Variants in PHRF1 observed in about 807,000 individuals in gnomAD.
PHRF1 encodes the protein PHD and ring finger domains 1.
In PHRF1, 53 loss-of-function variants were observed where a neutral mutation model predicts 128.9. The observed-to-expected ratio is 0.41, with a 90% CI of 0.33 to 0.52. The LOEUF is 0.52. PHRF1 is among the 20% of genes least tolerant of loss of function. The pLI is 0.21. For missense variants in PHRF1, 2,503 were observed against 2,284.5 expected, an observed-to-expected ratio of 1.10 and a Z score of -1.95; for synonymous variants, 1,178 against 980.6, an observed-to-expected ratio of 1.20 and a Z score of -3.76.
At chr11:598,588 G>A in intron 9 of PHRF1, 86 bp downstream of exon 9, 1 of 1,473,478 alleles carries the variant, frequency 6.8e-7, no homozygotes, top group South Asian at 1.3e-5. Flanking sequence ...CAAGGCTGTG[G>A]GCATTTCCAT....
At position 609,640 on chromosome 11, in the gene PHRF1, G is replaced by A. The variant is rs751834101; in HGVS notation, c.4184G>A (p.Arg1395Gln). 7 of 1,575,746 alleles carry A rather than the reference G, an allele frequency of 4.4e-6. No homozygotes were observed. The highest frequency in any genetic ancestry group is 6.0e-6 in the Non-Finnish European group (7 of 1,162,928). ...EEVVSQTPLL[R>Q]SRALVKRVTW... ...GTGGTTTCGCAGACCCCCCTGCTGC[G>A]GTCCAGAGCCCTGGTGAAGCGGGTC... Residue 1395 changes from arginine to glutamine, a missense_variant, in exon 14 of 18, where the codon CGG becomes CAG. Transcript: ENST00000264555.
At chr11:604,946 G>A (rs1434837576) in intron 10 of PHRF1, among the ~76,000 whole-genome samples, 173 bp from the exon 11 acceptor site, 2 of 152,230 alleles carry the variant, frequency 1.3e-5, no homozygotes, top group African/African-American at 4.8e-5. Flanking sequence ...GATGTGTGCG[G>A]CATTGTTCCT....
rs1855424855 is a variant in PHRF1, at chr11:598,379, C to G, written c.901C>G (p.Pro301Ala). The part of the protein sequence containing the change: ...ISTARRVQHT[P>A]GRLGSSLLDE... ...ACCACCCCTTTGCCTGTAGCACACA[C>G]CAGGGCGCCTCGGGTCTTCCCTGCT... The change falls in exon 9 of 18, where the codon CCA (proline) becomes GCA (alanine). Residue 301 changes from proline (P) to alanine (A), a missense_variant. Transcript: ENST00000264555. The G allele has an allele frequency of 6.2e-7, 1 of 1,608,852 alleles. No individual in the cohort carries two copies. Among genetic ancestry groups the G allele is most frequent in the Non-Finnish European group, 8.5e-7 (1 of 1,179,702 alleles).
chr11:605,541 C>T, intron 11 of PHRF1, 64 bp from the exon 12 acceptor site: 2 of 1,591,450 alleles, frequency 1.3e-6, no homozygotes, highest in South Asian at 2.3e-5. Context: ...TGCCGTCTCC[C>T]TGGGCTGGGG....
chr11:593,281 T>C (rs1282896708), intron 6 of PHRF1, among the ~76,000 whole-genome samples: 1 of 152,268 alleles, frequency 6.6e-6, no homozygotes, highest in Non-Finnish European at 1.5e-5. Flanking sequence ...ATTTTTCTGC[T>C]GTGAAATTAT....
intron 1 of PHRF1, among the ~76,000 whole-genome samples, chr11:578,882 C>T (rs946124603): frequency 1.3e-5 from 2 of 152,088 alleles, no homozygotes; most frequent in Admixed American, 1.3e-4. Flanking sequence ...GACTGAGTCT[C>T]ACTCTGTCGC....
At chr11:606,319 G>C in intron 12 of PHRF1, 123 bp from the exon 13 acceptor site, 1 of 1,265,838 alleles carries the variant, frequency 7.9e-7, no homozygotes, top group Non-Finnish European at 1.1e-6. Context: ...GGGCTGTGGG[G>C]GAGGCGCAGG....
chr11:577,005 C>T (rs778295449), intron 1 of PHRF1, among the ~76,000 whole-genome samples: 1 of 152,184 alleles, frequency 6.6e-6, no homozygotes, highest in Non-Finnish European at 1.5e-5. Flanking sequence ...CACCCACGCC[C>T]ATGCCCCCTG....
rs1265971341 is a variant in PHRF1 at position 607,646 on chromosome 11, G to C, written c.2190G>C (p.Glu730Asp). The C allele has an allele frequency of 7.4e-6, 12 of 1,611,314 alleles. No individual in the cohort carries two copies. Among genetic ancestry groups the C allele is most frequent in the Non-Finnish European group, 1.0e-5 (12 of 1,179,110 alleles). The change falls in exon 14 of 18, where the codon GAG becomes GAC. Residue 730 changes from glutamate (E) to aspartate (D), a missense_variant. By Grantham distance (45) the Glu-to-Asp change is conservative. Transcript: ENST00000264555. ...AGCCAGGGCGAGGCACACGGGCAGA[G>C]AGCGAGGCCAGCAGCAGGGTGCCCC... ...TGQPGRGTRA[E>D]SEASSRVPRE...
chr11:585,605 T>TCAACTC (rs1564841246), intron 3 of PHRF1, among the ~76,000 whole-genome samples: 1 of 110,264 alleles, frequency 9.1e-6, no homozygotes, highest in Non-Finnish European at 2.0e-5. Flanking sequence ...TAGTAGCCCT[T>TCAACTC]TCCAGCTTGA....
rs1232130952 is a variant in PHRF1, at chr11:608,900, G to A, written c.3444G>A (p.Arg1148=). 6.2e-7 allele frequency: 1 copy of A among 1,612,356 alleles called. No homozygotes were observed. The highest frequency in any genetic ancestry group is 2.2e-5 in the East Asian group (1 of 44,860). The change falls in exon 14 of 18, where the codon AGG becomes AGA. Residue 1148 remains arginine, a synonymous_variant. Transcript: ENST00000264555. ...AACGCAGCCACGAGCGGCCAGACAG[G>A]AAGGAGAGTGTGGCGTGGCCCCGAG... The part of the protein sequence containing the change: ...QRERSHERPD[R]KESVAWPRDR...
At chr11:576,866 G>A (rs933621444) in intron 1 of PHRF1, among the ~76,000 whole-genome samples, 1 of 127,734 alleles carries the variant, frequency 7.8e-6, no homozygotes, top group South Asian at 2.7e-4. Flanking sequence ...GAGACTGGGA[G>A]GCCCCGCCGA....
chr11:581,052 G>A (rs1045686960), intron 1 of PHRF1, among the ~76,000 whole-genome samples: 6 of 151,682 alleles, frequency 4.0e-5, no homozygotes, highest in African/African-American at 1.5e-4. Context: ...TCAAACTCCC[G>A]ACCTCAGGTG....
In PHRF1 at chr11:606,527, A is replaced by C; in HGVS notation, c.1540A>C (p.Ser514Arg). ...GCTGGGCAGCATCCTGTCGGGCCAG[A>C]GCCTCCTGATGCTGGGCAGCAGTGA... ...DLLGSILSGQ[S>R]LLMLGSSDVI... The change falls in exon 13 of 18, where the codon AGC becomes CGC. Residue 514 changes from serine (S) to arginine (R), a missense_variant. Transcript: ENST00000264555. 1 of 1,610,488 alleles carries C rather than the reference A, an allele frequency of 6.2e-7. No individual in the cohort carries two copies. The highest frequency in any genetic ancestry group is 2.2e-5 in the East Asian group (1 of 44,872).
intron 11 of PHRF1, 144 bp downstream of exon 11, chr11:605,444 A>C (rs1826316653): frequency 1.4e-6 from 2 of 1,459,304 alleles, no homozygotes; most frequent in African/African-American, 1.4e-5. Context: ...CATACGGTGC[A>C]GGTGGGTGGC....
rs113096053 is a variant in PHRF1, at chr11:612,167, A to C, written c.*390A>C. On this transcript the variant is annotated 3_prime_UTR_variant, in exon 18 of 18. Transcript: ENST00000264555. ...AATCTCTAGGTGGCCTCCCGCCAAC[A>C]GCTGCTGTGTACCTTTGGCTCTGAA... 2.8e-5 allele frequency: 9 copies of C among 317,344 alleles called. No homozygotes were observed. The highest frequency in any genetic ancestry group is 1.7e-4 in the African/African-American group (8 of 47,062). The allele number at this position is 317,344 out of a possible 1,614,324, so 19.7% of individuals were successfully genotyped here. A position where few individuals can be genotyped will look rare whatever the true frequency, so the allele number is the denominator to read the frequency against.
chr11:597,349 G>A lies in PHRF1; in HGVS notation c.719-46G>A, dbSNP rs114608427. 2,059 of 1,582,514 alleles carry A rather than the reference G, an allele frequency of 1.3e-3. 22 individuals are homozygous for A. The African/African-American group carries it at 0.021, about 16-fold the overall frequency. On this transcript the variant is annotated intron_variant, in intron 7 of 17. Transcript: ENST00000264555. This position sits in a 1 kb window ranked among gnomAD's most constrained non-coding sequence, Gnocchi z 6.5. Reference sequence around the variant, plus strand: ...CACAGGGGGAGCCGTTGGGGGAGGCGTGTGGCCTGTGAGTGTGGCACATCA... The same window carrying A: ...CACAGGGGGAGCCGTTGGGGGAGGCATGTGGCCTGTGAGTGTGGCACATCA...
At position 610,536 on chromosome 11, in the gene PHRF1, G is replaced by C. The variant is rs1355781796; in HGVS notation, c.4452G>C (p.Gln1484His). The change falls in exon 16 of 18, where the codon CAG becomes CAC. Residue 1484 changes from glutamine to histidine, a missense_variant. Transcript: ENST00000264555. ...YSPGLPPAPA[Q>H]PSSIPPCALV... ...CCGGCCTGCCGCCTGCCCCGGCCCAGCCCTCAAGCATCCCACCCTGCGCAC... is the reference window on the plus strand; with the variant it reads ...CCGGCCTGCCGCCTGCCCCGGCCCACCCCTCAAGCATCCCACCCTGCGCAC... The C allele has an allele frequency of 1.2e-6, 2 of 1,605,422 alleles. No individual in the cohort carries two copies. Among genetic ancestry groups the C allele is most frequent in the South Asian group, 2.2e-5 (2 of 91,022 alleles).
chr11:604,997 C>T, intron 10 of PHRF1, 122 bp from the exon 11 acceptor site: 1 of 1,002,048 alleles, frequency 1.0e-6, no homozygotes, highest in South Asian at 1.6e-5. Flanking sequence ...TTGACTTTGG[C>T]TTAGTATTTT....
Sources: allele counts gnomAD v4.1 joint callset (sites outside exome capture counted in the v4.1 genomes callset), GRCh38; gene constraint gnomAD v4.1.1; non-coding constraint Gnocchi (gnomAD v3.1); transcripts MANE v1.5; gene names NCBI Gene and HGNC (gene_info 2026-07-23, HGNC 2026-07-21).